The following OPCML variants were observed in gnomAD, a reference collection of about 807,000 sequenced individuals.
OPCML encodes the protein opioid-binding protein/cell adhesion molecule.
A neutral mutation model predicts 37.8 loss-of-function variants in OPCML; 13 were observed. The ratio of observed to expected loss-of-function variants is 0.34; its 90% CI spans 0.22 to 0.55. The LOEUF (loss-of-function observed/expected upper bound fraction) is 0.55, where lower values mean the gene tolerates loss of function less well. Ranked by LOEUF, OPCML falls within the 20% of genes least tolerant of loss-of-function variation. The pLI is 0.91. For missense variants in OPCML, 341 were observed against 435.6 expected, an observed-to-expected ratio of 0.78 and a Z score of 1.93; for synonymous variants, 176 against 168.8, an observed-to-expected ratio of 1.04 and a Z score of -0.33.
intron 4 of OPCML, among the ~76,000 whole-genome samples, chr11:132,479,236 C>G (rs2096168897): frequency 6.6e-6 from 1 of 152,174 alleles, no homozygotes; most frequent in Non-Finnish European, 1.5e-5. Flanking sequence ...CAGGGAGTTC[C>G]CTTTCCTAGT....
intron 1 of OPCML, among the ~76,000 whole-genome samples, chr11:133,051,208 C>T (rs1948125193): frequency 6.6e-6 from 1 of 152,224 alleles, no homozygotes; most frequent in African/African-American, 2.4e-5. Context: ...CAAACCCACA[C>T]ATATTGATTT....
intron 2 of OPCML, among the ~76,000 whole-genome samples, chr11:132,923,145 G>A (rs901784420): frequency 2.6e-5 from 4 of 151,894 alleles, no homozygotes; most frequent in Middle Eastern, 3.2e-3. Context: ...TTATGTTACA[G>A]TTAACAGTAT....
chr11:132,613,740 G>A (rs2137863672), intron 3 of OPCML, among the ~76,000 whole-genome samples: 1 of 152,236 alleles, frequency 6.6e-6, no homozygotes, highest in East Asian at 1.9e-4. Context: ...CTTGAGAAAA[G>A]TAGAAATAGT....
intron 1 of OPCML, among the ~76,000 whole-genome samples, chr11:133,240,988 T>C (rs907131927): frequency 6.6e-5 from 10 of 152,256 alleles, no homozygotes; most frequent in Non-Finnish European, 1.5e-4. Context: ...TTTTAGAGCT[T>C]CCATCCATTT....
intron 2 of OPCML, among the ~76,000 whole-genome samples, chr11:132,705,965 G>A (rs911524023): frequency 7.9e-5 from 12 of 152,024 alleles, no homozygotes; most frequent in South Asian, 4.2e-4. Context: ...GCACCACCAC[G>A]CCCAGCTAAT....
Position 132,543,491 on chromosome 11 carries a change from G to T in OPCML, c.380-14305C>A, listed in dbSNP as rs921275860. Among the ~76,000 whole-genome samples the T allele has an allele frequency of 5.9e-5, 9 of 152,022 alleles. No homozygotes were observed. The East Asian group carries it at 1.7e-3, about 29-fold the overall frequency. ...TTGTGCCACTGTACTCCAGCCTGGA[G>T]TACGGTGTCTCCAAGTGTCTCTAAA... On this transcript the variant is annotated intron_variant, in intron 3 of 7. Transcript: ENST00000524381.
At chr11:133,164,737 C>A (rs902350888) in intron 1 of OPCML, among the ~76,000 whole-genome samples, 3 of 152,210 alleles carry the variant, frequency 2.0e-5, no homozygotes, top group Non-Finnish European at 4.4e-5. Context: ...CTCTCCTAGA[C>A]CCAAAGTCAG....
At chr11:133,057,025 G>A (rs555797404) in intron 1 of OPCML, among the ~76,000 whole-genome samples, 2 of 152,184 alleles carry the variant, frequency 1.3e-5, no homozygotes, top group East Asian at 3.9e-4. Flanking sequence ...GTATTTTTTA[G>A]TAGAGACGGG....
intron 1 of OPCML, among the ~76,000 whole-genome samples, chr11:133,288,066 A>G (rs1942355783): frequency 6.6e-6 from 1 of 152,172 alleles, no homozygotes; most frequent in Non-Finnish European, 1.5e-5. Context: ...GAGAACTTGG[A>G]TGGATTCTAA....
At chr11:132,983,478 G>A (rs184533816) in intron 1 of OPCML, among the ~76,000 whole-genome samples, 2 of 152,324 alleles carry the variant, frequency 1.3e-5, no homozygotes, top group Admixed American at 1.3e-4. Flanking sequence ...GCTGGGACTG[G>A]TGAGTGACCA....
At chr11:133,024,959 G>A (rs1947524034) in intron 1 of OPCML, 1 of 985,426 alleles carries the variant, frequency 1.0e-6, no homozygotes, top group African/African-American at 1.7e-5. Context: ...GCACTGCAGA[G>A]CCTATGAATC....
intron 2 of OPCML, among the ~76,000 whole-genome samples, chr11:132,939,280 G>T (rs1945494268): frequency 6.6e-6 from 1 of 152,184 alleles, no homozygotes; most frequent in Non-Finnish European, 1.5e-5. Context: ...TACTGCCCAG[G>T]TTGCTTTGGC....
chr11:133,469,262 A>G (rs1371135102), intron 1 of OPCML, among the ~76,000 whole-genome samples: 3 of 152,212 alleles, frequency 2.0e-5, no homozygotes, highest in Admixed American at 6.5e-5. Context: ...ATATTATAAT[A>G]TGGTATTTTT....
intron 2 of OPCML, among the ~76,000 whole-genome samples, chr11:132,687,142 C>T (rs1235868973): frequency 6.6e-6 from 1 of 151,664 alleles, no homozygotes; most frequent in African/African-American, 2.4e-5. Flanking sequence ...AGACAATTCC[C>T]TCAGGAAATC....
At chr11:133,366,105 C>T (rs1158041309) in intron 1 of OPCML, 1 of 152,252 alleles carries the variant, frequency 6.6e-6, no homozygotes, top group African/African-American at 2.4e-5. Context: ...AGGCTGTTCC[C>T]TAAAGCACAC....
At chr11:133,020,691 T>C (rs972695956) in intron 1 of OPCML, among the ~76,000 whole-genome samples, 4 of 152,182 alleles carry the variant, frequency 2.6e-5, no homozygotes, top group Admixed American at 1.3e-4. Flanking sequence ...AAGTCAGTTC[T>C]TGGCTGATAC....
At chr11:133,304,148 G>C (rs774980000) in intron 1 of OPCML, among the ~76,000 whole-genome samples, 1 of 152,176 alleles carries the variant, frequency 6.6e-6, no homozygotes, top group Non-Finnish European at 1.5e-5. Context: ...GAATCCACAA[G>C]GGAGGTAAGC....
chr11:133,021,405 G>A (rs750409464), intron 1 of OPCML, among the ~76,000 whole-genome samples: 2 of 152,044 alleles, frequency 1.3e-5, no homozygotes, highest in Admixed American at 6.6e-5. Flanking sequence ...AAGGAGATCT[G>A]TTTCATAATC....
chr11:133,410,120 C>T (rs758119444), intron 1 of OPCML, among the ~76,000 whole-genome samples: 4 of 152,188 alleles, frequency 2.6e-5, no homozygotes, highest in South Asian at 2.1e-4. Flanking sequence ...GGCATAGCTA[C>T]GGCATATAAG....
Sources: allele counts gnomAD v4.1 joint callset (sites outside exome capture counted in the v4.1 genomes callset), GRCh38; gene constraint gnomAD v4.1.1; transcripts MANE v1.5; gene names NCBI Gene and HGNC (gene_info 2026-07-23, HGNC 2026-07-21).